Variants in COLEC10 observed in about 807,000 individuals in gnomAD.
COLEC10 encodes collectin subfamily member 10.
In COLEC10, 22 loss-of-function variants were observed where a neutral mutation model predicts 28.4. The observed-to-expected ratio is 0.78, with a 90% confidence interval of 0.55 to 1.11. The LOEUF is 1.11. COLEC10 is among the 50% of genes least tolerant of loss of function. COLEC10 has a pLI of 0.00. For missense variants in COLEC10, 361 were observed against 344.1 expected (o/e 1.05, Z -0.39); for synonymous variants, 125 against 116.1 (o/e 1.08, Z -0.49).
rs1418180149 is a variant in COLEC10, at chr8:119,108,344, A to G, written c.*2153A>G. On this transcript the variant is annotated 3_prime_UTR_variant, in exon 6 of 6. Coordinates refer to ENST00000332843, the MANE Select transcript of COLEC10 (RefSeq NM_006438.5). The stretch of plus-strand genomic sequence containing the variant: ...GTTGCCTACGGGCAACTTCATGTTA[A>G]GGATCCATGTTCTGATTTGTTCTAA... 6.6e-6 allele frequency among the ~76,000 whole-genome samples: 1 copy of G among 152,204 alleles called. No individual in the cohort carries two copies. Among genetic ancestry groups the G allele is most frequent in the Non-Finnish European group, 1.5e-5 (1 of 68,038 alleles).
chr8:119,060,150 C>T (rs1371622991), intron 2 of COLEC10, among the ~76,000 whole-genome samples: 1 of 152,042 alleles, frequency 6.6e-6, no homozygotes, highest in Non-Finnish European at 1.5e-5. Context: ...GCTCCCTCCA[C>T]AATGTCACCA....
the COLEC10 span, among the ~76,000 whole-genome samples, chr8:118,968,128 T>A: frequency 1.3e-5 from 2 of 151,788 alleles, no homozygotes; most frequent in Non-Finnish European, 2.9e-5. Context: ...TGTTTAGAGG[T>A]TTTTTTTAAA....
At chr8:118,966,449 G>A in the COLEC10 span, among the ~76,000 whole-genome samples, 1 of 152,098 alleles carries the variant, frequency 6.6e-6, no homozygotes, top group African/African-American at 2.4e-5. Flanking sequence ...TTCAGAAGGG[G>A]TGAATTATTT....
At position 119,106,377 on chromosome 8, in the gene COLEC10, T is replaced by C; in HGVS notation, c.*186T>C. ...GATTTTCATATTTTCACACATGGTA[T>C]ATTATTGACCCAATAACTCGCCAGG... On this transcript the variant is annotated 3_prime_UTR_variant, in exon 6 of 6. Transcript: ENST00000332843. 1 of 598,782 alleles carries C rather than the reference T, an allele frequency of 1.7e-6. No individual in the cohort carries two copies. Among genetic ancestry groups the C allele is most frequent in the Non-Finnish European group, 2.9e-6 (1 of 349,310 alleles). The allele number at this position is 598,782 out of a possible 1,614,324, so 37.1% of individuals were successfully genotyped here.
intron 2 of COLEC10, among the ~76,000 whole-genome samples, chr8:119,035,263 T>A (rs576793546): frequency 1.3e-5 from 2 of 151,810 alleles, no homozygotes; most frequent in Non-Finnish European, 2.9e-5. Context: ...GCATCAGCCA[T>A]TCTTTTATGT....
At chr8:119,087,796 T>C (rs994327854) in intron 1 of COLEC10, among the ~76,000 whole-genome samples, 2 of 152,114 alleles carry the variant, frequency 1.3e-5, no homozygotes, top group Admixed American at 6.5e-5. Flanking sequence ...TCTAGAGGGA[T>C]AGAAACGTAC....
the COLEC10 span, among the ~76,000 whole-genome samples, chr8:118,984,164 T>C: frequency 1.4e-5 from 2 of 146,544 alleles, no homozygotes; most frequent in Non-Finnish European, 3.0e-5. Flanking sequence ...AAAAAAAAAA[T>C]GAGATCATGT....
chr8:118,970,720 T>C, the COLEC10 span, among the ~76,000 whole-genome samples: 82 of 152,002 alleles, frequency 5.4e-4, no homozygotes, highest in African/African-American at 1.7e-3. Flanking sequence ...TTGAATGATA[T>C]AATATCCTTT....
intron 3 of COLEC10, among the ~76,000 whole-genome samples, chr8:119,095,557 C>T (rs1292345547): frequency 6.6e-6 from 1 of 152,072 alleles, no homozygotes; most frequent in South Asian, 2.1e-4. Flanking sequence ...CAAAAATTAG[C>T]CTGGCATGGT....
intron 1 of COLEC10, among the ~76,000 whole-genome samples, chr8:119,005,276 T>C (rs559033780): frequency 1.9e-4 from 29 of 152,226 alleles, no homozygotes; most frequent in African/African-American, 6.5e-4. Flanking sequence ...CTCTAACCCA[T>C]TGAGAGCAGG....
At chr8:119,060,574 T>G (rs1814837226) in intron 2 of COLEC10, among the ~76,000 whole-genome samples, 1 of 152,122 alleles carries the variant, frequency 6.6e-6, no homozygotes, top group East Asian at 1.9e-4. Flanking sequence ...TACAGAAGAC[T>G]AAAAGAAAGT....
At chr8:118,965,367 C>A in the COLEC10 span, among the ~76,000 whole-genome samples, 1 of 152,102 alleles carries the variant, frequency 6.6e-6, no homozygotes, top group Admixed American at 6.6e-5. Context: ...ACTGTCAAAT[C>A]TCTTGGCATA....
At chr8:119,000,344 T>C (rs1364496903) in intron 1 of COLEC10, among the ~76,000 whole-genome samples, 5 of 152,298 alleles carry the variant, frequency 3.3e-5, no homozygotes, top group Middle Eastern at 3.4e-3. Flanking sequence ...TAGGATTATA[T>C]GGCATTGTGG....
In COLEC10 at chr8:119,049,655, C is replaced by A. The variant is rs187011826; in HGVS notation, n.236-40025C>A. ...TGTCTCAATCTCCTGACCTCGTGATCCACTTGCCTTGGCCTCCCAAAGTGC... is the reference window on the plus strand; with the variant it reads ...TGTCTCAATCTCCTGACCTCGTGATACACTTGCCTTGGCCTCCCAAAGTGC... On this transcript the variant is annotated intron_variant and non_coding_transcript_variant, in intron 2 of 6. Transcript: ENST00000521788. 5.3e-3 allele frequency among the ~76,000 whole-genome samples: 808 copies of A among 152,114 alleles called. 6 individuals carry two copies. The highest frequency in any genetic ancestry group is 0.041 in the Middle Eastern group (12 of 294).
At chr8:119,066,121 A>AT (rs1563732257), upstream of COLEC10, among the ~76,000 whole-genome samples, 1 of 152,070 alleles carries the variant, frequency 6.6e-6, no homozygotes, top group African/African-American at 2.4e-5. Flanking sequence ...TCTTAGGGAT[A>AT]TTTTTTCAGC....
Position 119,091,173 on chromosome 8 carries a change from T to G in COLEC10, c.245T>G (p.Met82Arg), listed in dbSNP as rs1231276868. Reference protein sequence around the residue: ...PKGIKGELGDMGDQGNIGKTG... With the variant: ...PKGIKGELGDRGDQGNIGKTG... ...GGAATTAAAGGAGAACTGGGTGATA[T>G]GGGAGATCAGGGCAATATTGGCAAG... The change falls in exon 3 of 6, where the codon ATG becomes AGG. Residue 82 changes from methionine (M) to arginine (R), a missense_variant. Met to Arg is a moderately conservative substitution (Grantham distance 91). Coordinates refer to ENST00000332843, the MANE Select transcript of COLEC10 (RefSeq NM_006438.5). 1 of 1,613,058 alleles carries G rather than the reference T, an allele frequency of 6.2e-7. No individual in the cohort carries two copies. The highest frequency in any genetic ancestry group is 2.2e-5 in the East Asian group (1 of 44,818).
intron 1 of COLEC10, among the ~76,000 whole-genome samples, chr8:119,070,480 T>TCTCCCC (rs1815089658): frequency 2.0e-5 from 1 of 50,692 alleles, no homozygotes; most frequent in African/African-American, 7.5e-5. Flanking sequence ...TCTCTCTCCT[T>TCTCCCC]CCCCCTCCTT....
intron 2 of COLEC10, among the ~76,000 whole-genome samples, chr8:119,020,110 C>T (rs1387119078): frequency 6.6e-6 from 1 of 152,098 alleles, no homozygotes; most frequent in Admixed American, 6.6e-5. Flanking sequence ...GCCTGGCCTT[C>T]CTTTTTCCCC....
At chr8:119,018,220 C>A (rs1307520254) in intron 2 of COLEC10, among the ~76,000 whole-genome samples, 3 of 152,196 alleles carry the variant, frequency 2.0e-5, no homozygotes, top group African/African-American at 7.2e-5. Context: ...AGAAATTATT[C>A]TTTCGCCCCT....
Sources: gnomAD v4.1 joint callset for allele counts (sites outside exome capture counted in the v4.1 genomes callset) on GRCh38, gnomAD v4.1.1 for gene constraint, MANE v1.5 for transcripts, NCBI Gene and HGNC (gene_info 2026-07-23, HGNC 2026-07-21) for gene names.